ACAP3: variants seen among roughly 807,000 people sequenced by gnomAD.
ACAP3 encodes arf-GAP with coiled-coil, ANK repeat and PH domain-containing protein 3.
ACAP3 carries 56 observed loss-of-function variants against 104.1 expected under a neutral mutation model. The ratio of observed to expected loss-of-function variants is 0.54; its 90% CI spans 0.43 to 0.67. ACAP3 has a LOEUF of 0.67. Among genes scored for constraint, ACAP3 ranks in the 30% least tolerant of loss-of-function variants. The pLI is 0.00. For synonymous variants in ACAP3, 628 were observed against 496.2 expected (o/e 1.27, Z -3.53); for missense variants, 1,208 against 1,174.9 (o/e 1.03, Z -0.41).
At chr1:1,295,408 C>A in intron 19 of ACAP3, 39 bp downstream of exon 19, 1 of 1,588,502 alleles carries the variant, frequency 6.3e-7, no homozygotes, top group Non-Finnish European at 8.6e-7. Flanking sequence ...GCCTCCTTGG[C>A]CCTGCCCTGC....
rs1641563093 is a variant in ACAP3 at position 1,303,867 on chromosome 1, TC to T, written c.105+218del. 2 of 626,810 alleles carry T rather than the reference TC, an allele frequency of 3.2e-6. No individual in the cohort carries two copies. The highest frequency in any genetic ancestry group is 1.9e-5 in the South Asian group (1 of 52,030). The allele number at this position is 626,810 out of a possible 1,614,324, so 38.8% of individuals were successfully genotyped here. On this transcript the variant is annotated intron_variant, in intron 2 of 23. Transcript: ENST00000354700. This position sits in a 1 kb window ranked among gnomAD's most constrained non-coding sequence, Gnocchi z 4.0. ...CGGGGACTCACCACAGCCCAGCCCC[TC>T]CCAGATGGGACGAGACTCAGGGCCA... is the stretch of plus-strand genomic sequence containing the variant.
rs1189985962 is a variant in ACAP3, at chr1:1,302,051, G to A, written c.280-5C>T. On this transcript the variant is annotated splice_polypyrimidine_tract_variant and splice_region_variant and intron_variant, in intron 4 of 23. Coordinates refer to ENST00000354700, the MANE Select transcript of ACAP3 (RefSeq NM_030649.3). Reference sequence around the variant, plus strand: ...CTGGGCCTGGTCAAACAGGATCTGGGGGCAGAGGCGGGCAGAGATCCTTGG... The same window carrying A: ...CTGGGCCTGGTCAAACAGGATCTGGAGGCAGAGGCGGGCAGAGATCCTTGG... 1.3e-6 allele frequency: 2 copies of A among 1,525,960 alleles called. No homozygotes were observed. Among genetic ancestry groups the A allele is most frequent in the Non-Finnish European group, 1.8e-6 (2 of 1,131,320 alleles). The allele number at this position is 1,525,960 out of a possible 1,614,324, so 94.5% of individuals were successfully genotyped here. A position where few individuals can be genotyped will look rare whatever the true frequency, so the allele number is the denominator to read the frequency against.
chr1:1,302,139 C>G, intron 4 of ACAP3, 93 bp from the exon 5 acceptor site: 9 of 1,184,684 alleles, frequency 7.6e-6, no homozygotes, highest in East Asian at 2.8e-5. Context: ...GCACTGCCCC[C>G]AGGCCCAGAT....
rs912684493 is a variant in ACAP3, at chr1:1,294,717, C to T, written c.1912+1G>A. 38 of 1,549,442 alleles carry T rather than the reference C, an allele frequency of 2.5e-5. No individual in the cohort carries two copies. The highest frequency in any genetic ancestry group is 3.3e-5 in the Non-Finnish European group (38 of 1,146,562). On this transcript the variant is annotated splice_donor_variant, in intron 20 of 23. Transcript: ENST00000354700. LOFTEE classifies it high-confidence loss of function. ...TCGGGCGAGGGCAAGACGCCACCCA[C>T]CCTCCTCAGTGACGCTGTCCACCAC...
chr1:1,302,807 C>CCCCCA, intron 4 of ACAP3, 115 bp downstream of exon 4: 1 of 329,198 alleles, frequency 3.0e-6, no homozygotes, highest in South Asian at 2.1e-5. Context: ...CCCCCCCCCC[C>CCCCCA]GACTAGAGGA....
Position 1,296,631 on chromosome 1 carries a change from C to T in ACAP3, c.1131G>A (p.Arg377=). 5 of 1,535,060 alleles carry T rather than the reference C, an allele frequency of 3.3e-6. No individual in the cohort carries two copies. The South Asian group carries it at 3.6e-5, about 11-fold the overall frequency. ...TGGACGGGGATGCTGTGCGGTCCAG[C>T]CTCTGGAGGATGGGGTGGAGCTGCT... ...RESPDSCYSE[R]LDRTASPSTS... is the part of the protein sequence containing the mutation. The change falls in exon 15 of 24, where the codon AGG becomes AGA. Residue 377 remains arginine (R), a splice_region_variant and synonymous_variant. Transcript: ENST00000354700.
Position 1,295,466 on chromosome 1 carries a change from G to T in ACAP3, c.1794C>A (p.Ala598=), listed in dbSNP as rs146761111. ...ACTTACTGCGAGGGCCAGCCCCTGC[G>T]GCCCCTGCGTCGAAGTAGGAGAAGA... The part of the protein sequence containing the change: ...DSLFSYFDAG[A]AGAGPRSLSS... Residue 598 remains alanine (A), a synonymous_variant, in exon 19 of 24, where the codon GCC becomes GCA. Coordinates refer to ENST00000354700, the MANE Select transcript of ACAP3 (RefSeq NM_030649.3). 1.9e-6 allele frequency: 3 copies of T among 1,612,484 alleles called. No individual in the cohort carries two copies. The highest frequency in any genetic ancestry group is 2.7e-5 in the African/African-American group (2 of 75,042).
chr1:1,300,262 C>T, intron 6 of ACAP3, 60 bp from the exon 7 acceptor site: 11 of 1,535,046 alleles, frequency 7.2e-6, no homozygotes, highest in Non-Finnish European at 9.7e-6. Flanking sequence ...AAGCCCTGCA[C>T]CTGCCATAGA....
chr1:1,299,722 G>T (rs1335505551), intron 9 of ACAP3, 109 bp downstream of exon 9: 2 of 1,289,512 alleles, frequency 1.6e-6, no homozygotes, highest in African/African-American at 1.5e-5. Flanking sequence ...GGCAGGGCAG[G>T]TGGGAGACAG....
chr1:1,295,687 C>A (rs199798094), intron 18 of ACAP3, 49 bp downstream of exon 18: 2 of 1,562,914 alleles, frequency 1.3e-6, no homozygotes, highest in Non-Finnish European at 1.7e-6. Context: ...GGAGTCCATC[C>A]CCGACCAAGG....
rs1382464184 is a variant in ACAP3, at chr1:1,294,504, G to C, written c.2037C>G (p.Arg679=). ...GLLAHRAARA[R]DLPALAAALA... The stretch of plus-strand genomic sequence containing the variant: ...GCGCCGCCGCCAGCGCAGGAAGGTC[G>C]CGGGCACGCGCTGCGCGGTGCGCCA... Residue 679 remains arginine, a synonymous_variant, in exon 21 of 24, where the codon CGC becomes CGG. Transcript: ENST00000354700. 1.3e-6 allele frequency: 2 copies of C among 1,525,662 alleles called. No homozygotes were observed. Among genetic ancestry groups the C allele is most frequent in the Non-Finnish European group, 1.7e-6 (2 of 1,144,024 alleles). The allele number at this position is 1,525,662 out of a possible 1,614,324, so 94.5% of individuals were successfully genotyped here.
At position 1,303,016 on chromosome 1, in the gene ACAP3, C is replaced by A; in HGVS notation, c.226-41G>T. Reference sequence around the variant, plus strand: ...GGAACCCGTGCTGAGATGGCAAATCCGGGCCCAGGTCACCCAGCCACGCCC... The same window carrying A: ...GGAACCCGTGCTGAGATGGCAAATCAGGGCCCAGGTCACCCAGCCACGCCC... On this transcript the variant is annotated intron_variant, in intron 3 of 23. Transcript: ENST00000354700. The surrounding 1 kb of genome is among the most constrained non-coding windows in gnomAD (Gnocchi z 4.0). The A allele has an allele frequency of 1.3e-6, 2 of 1,589,068 alleles. No homozygotes were observed. The highest frequency in any genetic ancestry group is 2.3e-5 in the East Asian group (1 of 43,548).
chr1:1,306,922 G>A (rs528331226), intron 1 of ACAP3: 2 of 372,880 alleles, frequency 5.4e-6, no homozygotes, highest in East Asian at 7.3e-5. Flanking sequence ...CAGGCTACAT[G>A]CAGAAGCAAG....
intron 4 of ACAP3, 42 bp downstream of exon 4, chr1:1,302,880 A>T: frequency 6.4e-7 from 1 of 1,557,058 alleles, no homozygotes; most frequent in Non-Finnish European, 8.7e-7. Context: ...GCTCGGTTCC[A>T]GGCCAGGCAC....
intron 5 of ACAP3, 27 bp downstream of exon 5, chr1:1,301,958 GTTC>G: frequency 6.5e-7 from 1 of 1,535,688 alleles, no homozygotes; most frequent in South Asian, 1.2e-5. Flanking sequence ...TGGCCTCAGT[GTTC>G]TTCCCCCAGC....
At chr1:1,301,572 C>T (rs1641447685) in intron 5 of ACAP3, 1 of 158,518 alleles carries the variant, frequency 6.3e-6, no homozygotes, top group South Asian at 1.9e-4. Context: ...CCCCCCTCCA[C>T]TCCAGGCCCT....
chr1:1,305,829 C>G (rs569865628), intron 1 of ACAP3: 1 of 152,308 alleles, frequency 6.6e-6, no homozygotes, highest in Admixed American at 6.5e-5. Flanking sequence ...CCCTGGCCTC[C>G]GGCCCACTGC....
rs751912424 is a variant in ACAP3, at chr1:1,298,096, C to T, written c.933G>A (p.Val311=). The change falls in exon 13 of 24, where the codon GTG becomes GTA. Residue 311 remains valine, a synonymous_variant. Coordinates refer to ENST00000354700, the MANE Select transcript of ACAP3 (RefSeq NM_030649.3). ...QKKLKDALTV[V]VDDLRLCSVK... is the part of the protein sequence containing the mutation. ...CAGAGCACAGGCGGAGGTCATCCAC[C>T]ACCACGGTGAGGGCATCCTGTGGGC... The T allele has an allele frequency of 1.1e-5, 18 of 1,608,126 alleles. No homozygotes were observed. Among genetic ancestry groups the T allele is most frequent in the Middle Eastern group, 3.3e-4 (2 of 6,046 alleles).
intron 1 of ACAP3, chr1:1,306,981 G>A: frequency 2.4e-6 from 1 of 424,664 alleles, no homozygotes; most frequent in South Asian, 1.8e-5. Flanking sequence ...AAGGCCTGGT[G>A]TCCGGAGGGA....
Sources: allele counts gnomAD v4.1 joint callset, GRCh38; gene constraint gnomAD v4.1.1; non-coding constraint Gnocchi (gnomAD v3.1); transcripts MANE v1.5; gene names NCBI Gene and HGNC (gene_info 2026-07-23, HGNC 2026-07-21).